The following OTOA variants were observed in gnomAD, a reference collection of about 807,000 sequenced individuals.
OTOA encodes the protein otoancorin, also known as cancer/testis antigen 108.
A neutral mutation model predicts 110.8 loss-of-function variants in OTOA; 70 were observed. That is an observed-to-expected ratio of 0.63 (90% CI 0.52 to 0.77). The LOEUF (loss-of-function observed/expected upper bound fraction) is 0.77. Among genes scored for constraint, OTOA ranks in the 30% least tolerant of loss-of-function variants. The pLI is 0.00. For missense variants in OTOA, 917 were observed against 1,075.8 expected (o/e 0.85, Z 2.06); for synonymous variants, 373 against 431.5 (o/e 0.86, Z 1.68).
intron 24 of OTOA, among the ~76,000 whole-genome samples, chr16:21,749,339 C>T (rs1308131379): frequency 7.3e-6 from 1 of 137,144 alleles, no homozygotes; most frequent in Non-Finnish European, 1.6e-5. Context: ...CCAGCCTGGC[C>T]AAAATGGTGA....
In OTOA at chr16:21,719,491, T is replaced by C. The variant is rs1347585592; in HGVS notation, c.1793T>C (p.Leu598Pro). ...FQDFQNNFAL[L>P]SPYQVNCLAW... ...GATTTTCAGAACAACTTCGCCCTGCTTTCACCCTATCAGGTACCGTTAAAG... is the reference window on the plus strand; with the variant it reads ...GATTTTCAGAACAACTTCGCCCTGCCTTCACCCTATCAGGTACCGTTAAAG... The change falls in exon 17 of 29, where the codon CTT (leucine) becomes CCT (proline). Residue 598 changes from leucine to proline, a missense_variant. Leu to Pro is a moderately conservative substitution (Grantham distance 98, BLOSUM62 -3). This residue lies in a region of OTOA where 840 missense variants were observed against 910.2 expected (regional missense o/e 0.92). Transcript: ENST00000646100. 1.9e-6 allele frequency: 3 copies of C among 1,613,978 alleles called. No individual in the cohort carries two copies. In the Admixed American group the frequency reaches 5.0e-5, roughly 27 times the overall value.
chr16:21,728,713 C>T (rs1288694400), intron 20 of OTOA, among the ~76,000 whole-genome samples: 5 of 151,848 alleles, frequency 3.3e-5, no homozygotes, highest in African/African-American at 7.3e-5. Flanking sequence ...CTCAGCCTCC[C>T]GAGTAGCTGG....
At chr16:21,736,874 C>A (rs1189050564) in intron 22 of OTOA, among the ~76,000 whole-genome samples, 1 of 152,304 alleles carries the variant, frequency 6.6e-6, no homozygotes, top group Admixed American at 6.5e-5. Flanking sequence ...GGAATCATGT[C>A]CCATACTCCA....
At chr16:21,677,372 G>A (rs182088671) in intron 1 of OTOA, among the ~76,000 whole-genome samples, 1 of 151,852 alleles carries the variant, frequency 6.6e-6, no homozygotes, top group African/African-American at 2.4e-5. Flanking sequence ...ACTTTGTAGT[G>A]GTCTCGTTGT....
intron 7 of OTOA, 108 bp from the exon 8 acceptor site, chr16:21,687,305 T>C: frequency 1.1e-6 from 1 of 900,088 alleles, no homozygotes; most frequent in Non-Finnish European, 1.8e-6. Flanking sequence ...AGCATGGTGT[T>C]AAACAGTGAT....
intron 9 of OTOA, among the ~76,000 whole-genome samples, chr16:21,697,164 C>T (rs1457090814): frequency 6.6e-6 from 1 of 150,936 alleles, no homozygotes; most frequent in African/African-American, 2.4e-5. Flanking sequence ...TTACAGGTGC[C>T]TGGCCAGAAA....
At chr16:21,718,205 G>A (rs1222570573) in intron 15 of OTOA, among the ~76,000 whole-genome samples, 3 of 152,132 alleles carry the variant, frequency 2.0e-5, no homozygotes, top group Non-Finnish European at 4.4e-5. Context: ...TGATCTGCCC[G>A]CCTTGGCCTC....
At chr16:21,721,992 G>A (rs1383567502) in intron 17 of OTOA, among the ~76,000 whole-genome samples, 1 of 150,996 alleles carries the variant, frequency 6.6e-6, no homozygotes, top group Non-Finnish European at 1.5e-5. Flanking sequence ...AGGAGGCCGA[G>A]ATGGGTGGAT....
intron 18 of OTOA, among the ~76,000 whole-genome samples, chr16:21,725,854 A>G (rs904156070): frequency 6.6e-6 from 1 of 152,180 alleles, no homozygotes; most frequent in Non-Finnish European, 1.5e-5. Flanking sequence ...TATTTTGAGT[A>G]GGAATGAGCT....
At chr16:21,721,977 A>G (rs1898757168) in intron 17 of OTOA, among the ~76,000 whole-genome samples, 1 of 151,574 alleles carries the variant, frequency 6.6e-6, no homozygotes, top group Non-Finnish European at 1.5e-5. Flanking sequence ...TAATCTTAGC[A>G]CTTTAGGAGG....
intron 18 of OTOA, among the ~76,000 whole-genome samples, chr16:21,724,775 TAA>T: frequency 6.6e-6 from 1 of 152,016 alleles, no homozygotes; most frequent in East Asian, 1.9e-4. Flanking sequence ...ATTAATTAAT[TAA>T]TTAATTTATT....
At chr16:21,675,121 TTCTC>T (rs1353379774) in intron 1 of OTOA, among the ~76,000 whole-genome samples, 7 of 142,264 alleles carry the variant, frequency 4.9e-5, no homozygotes, top group South Asian at 4.4e-4. Context: ...TTCTTTTTCT[TTCTC>T]TCTTTCTTTC....
In OTOA at chr16:21,681,763, T is replaced by C. The variant is rs893453707; in HGVS notation, c.205T>C (p.Ser69Pro). Residue 69 changes from serine to proline, a missense_variant, in exon 6 of 29, where the codon TCC becomes CCC. By Grantham distance (74) the Ser-to-Pro change is moderately conservative. Around this residue, in one of 6 missense-constraint regions of OTOA, gnomAD observed 840 missense variants for 910.2 expected, o/e 0.92. Coordinates refer to ENST00000646100, the MANE Select transcript of OTOA (RefSeq NM_144672.4). ...CTCCCACGTGTGGACGGATGACCTG[T>C]CCCACAGAGTCCTGGCCTATCTGAA... ...QSSHVWTDDL[S>P]HRVLAYLNSR... The C allele has an allele frequency of 1.9e-6, 3 of 1,614,030 alleles. No homozygotes were observed. Among genetic ancestry groups the C allele is most frequent in the Admixed American group, 3.3e-5 (2 of 59,994 alleles).
chr16:21,710,027 C>T lies in OTOA; in HGVS notation c.1244C>T (p.Ser415Phe). Residue 415 changes from serine (S) to phenylalanine (F), a missense_variant, in exon 13 of 29, where the codon TCC (serine) becomes TTC (phenylalanine). Around this residue, in one of 6 missense-constraint regions of OTOA, gnomAD observed 840 missense variants for 910.2 expected, o/e 0.92. Coordinates refer to ENST00000646100, the MANE Select transcript of OTOA (RefSeq NM_144672.4). The part of the protein sequence containing the change: ...LSPEAVHGAI[S>F]TLNQVSGWAK... Reference sequence around the variant, plus strand: ...CCCGAGGCTGTGCACGGAGCCATCTCCACCCTCAACCAGGTCTCAGGTTGG... The same window carrying T: ...CCCGAGGCTGTGCACGGAGCCATCTTCACCCTCAACCAGGTCTCAGGTTGG... 1 of 1,614,084 alleles carries T rather than the reference C, an allele frequency of 6.2e-7. No homozygotes were observed. The highest frequency in any genetic ancestry group is 1.7e-5 in the Admixed American group (1 of 60,010).
chr16:21,722,673 T>C (rs1330228342), intron 17 of OTOA, among the ~76,000 whole-genome samples: 3 of 152,196 alleles, frequency 2.0e-5, no homozygotes, highest in African/African-American at 7.2e-5. Flanking sequence ...CTTGCAGATA[T>C]AAGCAAAATT....
intron 1 of OTOA, among the ~76,000 whole-genome samples, chr16:21,673,449 A>G (rs1966851993): frequency 6.6e-6 from 1 of 152,170 alleles, no homozygotes; most frequent in African/African-American, 2.4e-5. Context: ...AGCCTCTTTC[A>G]TGCATCCCTT....
intron 5 of OTOA, among the ~76,000 whole-genome samples, chr16:21,680,480 C>T (rs2141654272): frequency 6.6e-6 from 1 of 152,180 alleles, no homozygotes; most frequent in African/African-American, 2.4e-5. Flanking sequence ...AGCCACTGCA[C>T]TCCAGCCTGG....
intron 18 of OTOA, among the ~76,000 whole-genome samples, chr16:21,723,284 T>C (rs1025406558): frequency 6.6e-6 from 1 of 152,154 alleles, no homozygotes; most frequent in Non-Finnish European, 1.5e-5. Flanking sequence ...TCCAGGGGAA[T>C]CAGAGTTGAG....
chr16:21,729,832 A>G (rs544853197), intron 20 of OTOA: 1 of 152,216 alleles, frequency 6.6e-6, no homozygotes, highest in East Asian at 1.9e-4. Context: ...TTGATAGCTC[A>G]TTTCTTTTTA....
Sources: allele counts gnomAD v4.1 joint callset (sites outside exome capture counted in the v4.1 genomes callset), GRCh38; gene constraint gnomAD v4.1.1; regional missense constraint gnomAD v4.1.1; transcripts MANE v1.5; gene names NCBI Gene and HGNC (gene_info 2026-07-23, HGNC 2026-07-21).